Variants in CAST observed in about 807,000 individuals in gnomAD.
CAST encodes the protein calpastatin.
A neutral mutation model predicts 119.6 loss-of-function variants in CAST; 76 were observed. The ratio of observed to expected loss-of-function variants is 0.64; its 90% CI spans 0.53 to 0.77. The LOEUF (loss-of-function observed/expected upper bound fraction) is 0.77, where lower values mean the gene tolerates loss of function less well. Among genes scored for constraint, CAST ranks in the 30% least tolerant of loss-of-function variants. CAST has a pLI of 0.00. For missense variants in CAST, 953 were observed against 946.5 expected (o/e 1.01, Z -0.09); for synonymous variants, 319 against 331.6 (o/e 0.96, Z 0.41).
intron 1 of CAST, among the ~76,000 whole-genome samples, chr5:96,615,639 G>A (rs546617521): frequency 4.6e-5 from 7 of 152,276 alleles, no homozygotes; most frequent in Admixed American, 4.6e-4. Context: ...GTCAGGTGGA[G>A]GTGTATGGTA....
chr5:96,345,599 T>A, the CAST span, among the ~76,000 whole-genome samples: 1 of 152,334 alleles, frequency 6.6e-6, no homozygotes, highest in South Asian at 2.1e-4. Flanking sequence ...GTACAGTTCC[T>A]TAGCTGGGTA....
chr5:96,408,473 G>A, the CAST span: 26 of 687,868 alleles, frequency 3.8e-5, no homozygotes, highest in East Asian at 5.4e-5. Flanking sequence ...AACCACAGGC[G>A]GATGTTTGCC....
chr5:96,046,475 A>G, the CAST span, among the ~76,000 whole-genome samples: 1 of 152,286 alleles, frequency 6.6e-6, no homozygotes, highest in African/African-American at 2.4e-5. Flanking sequence ...TCACTCCACC[A>G]TAAGTTATCC....
chr5:96,495,204 T>C, the CAST span, among the ~76,000 whole-genome samples: 1 of 152,228 alleles, frequency 6.6e-6, no homozygotes, highest in Admixed American at 6.5e-5. Context: ...TTAGCAGACT[T>C]GTTAAAATAA....
chr5:96,293,568 G>A, the CAST span, among the ~76,000 whole-genome samples: 8 of 152,046 alleles, frequency 5.3e-5, no homozygotes, highest in South Asian at 2.1e-4. Flanking sequence ...GAGCCACCGC[G>A]CCTGGCCTCT....
chr5:95,962,218 G>C, the CAST span: 10 of 218,284 alleles, frequency 4.6e-5, no homozygotes, highest in Admixed American at 5.9e-4. Flanking sequence ...GGATAGTAGT[G>C]AAAAGTCAGA....
intron 1 of CAST, among the ~76,000 whole-genome samples, chr5:96,581,679 A>T (rs1460875821): frequency 1.3e-5 from 2 of 152,170 alleles, no homozygotes; most frequent in Non-Finnish European, 2.9e-5. Context: ...TCACAAGGTC[A>T]GGAGATCGAG....
the CAST span, among the ~76,000 whole-genome samples, chr5:96,458,548 A>G: frequency 6.6e-6 from 1 of 152,210 alleles, no homozygotes; most frequent in African/African-American, 2.4e-5. Context: ...TTAATAAAAG[A>G]AAGAATAGCA....
intron 1 of CAST, among the ~76,000 whole-genome samples, chr5:96,636,744 G>T (rs1468271458): frequency 1.3e-5 from 2 of 152,170 alleles, no homozygotes; most frequent in East Asian, 3.8e-4. Context: ...CTGGTCAGTG[G>T]TGGCTGTGGC....
At chr5:96,084,956 A>C in the CAST span, among the ~76,000 whole-genome samples, 2 of 152,210 alleles carry the variant, frequency 1.3e-5, no homozygotes, top group East Asian at 3.8e-4. Context: ...TCAAGCAACC[A>C]GTGAGGAAGA....
At chr5:96,750,746 C>G in intron 20 of CAST, 64 bp downstream of exon 20, 1 of 867,728 alleles carries the variant, frequency 1.2e-6, no homozygotes, top group Non-Finnish European at 2.0e-6. Context: ...TCCTGTCACT[C>G]TCTGCTGTGT....
chr5:96,618,675 C>T (rs1747524633), intron 1 of CAST, among the ~76,000 whole-genome samples: 2 of 152,232 alleles, frequency 1.3e-5, no homozygotes, highest in African/African-American at 4.8e-5. Context: ...TGCGCTGGGT[C>T]CCCCAGCAGT....
chr5:96,749,882 AG>A (rs1308003183), intron 19 of CAST, among the ~76,000 whole-genome samples: 13 of 152,318 alleles, frequency 8.5e-5, no homozygotes, highest in Middle Eastern at 3.4e-3. Context: ...AAGATGGGAC[AG>A]TGGTTCTCAA....
At chr5:96,643,387 G>T (rs1356106951) in intron 1 of CAST, among the ~76,000 whole-genome samples, 3 of 152,170 alleles carry the variant, frequency 2.0e-5, no homozygotes, top group Non-Finnish European at 4.4e-5. Context: ...AAAGTTAGTA[G>T]TTGTTTATGG....
chr5:96,342,466 C>G, the CAST span, among the ~76,000 whole-genome samples: 1 of 152,110 alleles, frequency 6.6e-6, no homozygotes, highest in South Asian at 2.1e-4. Context: ...TCAGGTGAGG[C>G]TGGGGCTGCT....
the CAST span, chr5:96,393,344 G>C: frequency 6.2e-7 from 1 of 1,614,084 alleles, no homozygotes; most frequent in Non-Finnish European, 8.5e-7. Flanking sequence ...GGACACCAGG[G>C]TGTTCTCCTT....
chr5:96,319,963 G>C, the CAST span, among the ~76,000 whole-genome samples: 1 of 149,016 alleles, frequency 6.7e-6, no homozygotes, highest in African/African-American at 2.5e-5. Context: ...CTCACTACTA[G>C]GCATAGCAAA....
At chr5:96,160,546 T>C in the CAST span, among the ~76,000 whole-genome samples, 2 of 152,220 alleles carry the variant, frequency 1.3e-5, no homozygotes, top group African/African-American at 4.8e-5. Flanking sequence ...ACTTTTTGGC[T>C]ATTATGAATA....
intron 1 of CAST, among the ~76,000 whole-genome samples, chr5:96,655,514 A>G (rs1223477620): frequency 6.6e-6 from 1 of 152,232 alleles, no homozygotes; most frequent in Non-Finnish European, 1.5e-5. Flanking sequence ...CATAAAGAGA[A>G]TTGTTACAAA....
Sources: gnomAD v4.1 joint callset for allele counts (sites outside exome capture counted in the v4.1 genomes callset) on GRCh38, gnomAD v4.1.1 for gene constraint, MANE v1.5 for transcripts, NCBI Gene and HGNC (gene_info 2026-07-23, HGNC 2026-07-21) for gene names.